Variants in NEDD4L observed in about 807,000 individuals in gnomAD.
NEDD4L encodes the protein NEDD4 like E3 ubiquitin protein ligase.
A neutral mutation model predicts 148.9 loss-of-function variants in NEDD4L; 54 were observed. That is an observed-to-expected ratio of 0.36 (90% CI 0.29 to 0.45). The LOEUF (loss-of-function observed/expected upper bound fraction) is 0.45, where lower values mean the gene tolerates loss of function less well. Ranked by LOEUF, NEDD4L falls within the 20% of genes least tolerant of loss-of-function variation. The pLI is 1.00. For synonymous variants in NEDD4L, 433 were observed against 440.7 expected (o/e 0.98, Z 0.22); for missense variants, 856 against 1,233.8 (o/e 0.69, Z 4.59).
At chr18:58,221,497 C>T (rs1290975927) in intron 2 of NEDD4L, 1 of 967,004 alleles carries the variant, frequency 1.0e-6, no homozygotes, top group East Asian at 1.1e-4. Flanking sequence ...CCTTTTCCAC[C>T]AACAAGCATT....
At chr18:58,376,830 A>G (rs1286305399) in intron 24 of NEDD4L, among the ~76,000 whole-genome samples, 1 of 152,106 alleles carries the variant, frequency 6.6e-6, no homozygotes, top group Non-Finnish European at 1.5e-5. Flanking sequence ...CTCCTCCTCC[A>G]GACTCACTGT....
intron 22 of NEDD4L, among the ~76,000 whole-genome samples, chr18:58,369,727 G>C (rs1484962608): frequency 1.3e-5 from 2 of 152,178 alleles, no homozygotes; most frequent in Non-Finnish European, 2.9e-5. Context: ...GATGCCTTTG[G>C]ATCAGGTGAA....
chr18:58,369,077 C>T (rs929645079), intron 22 of NEDD4L, among the ~76,000 whole-genome samples: 1 of 152,184 alleles, frequency 6.6e-6, no homozygotes, highest in African/African-American at 2.4e-5. Context: ...GAGAACAAAA[C>T]CAGAAGAATC....
chr18:58,359,064 G>C (rs973369609), intron 19 of NEDD4L, among the ~76,000 whole-genome samples: 1 of 151,736 alleles, frequency 6.6e-6, no homozygotes, highest in Non-Finnish European at 1.5e-5. Flanking sequence ...GTGTCCATTA[G>C]GTCAAGCCTG....
In NEDD4L at chr18:58,322,497, T is replaced by C; in HGVS notation, c.410+11T>C. The C allele has an allele frequency of 3.5e-6, 2 of 578,200 alleles. No individual in the cohort carries two copies. The highest frequency in any genetic ancestry group is 3.2e-6 in the Non-Finnish European group (1 of 308,564). 35.8% of individuals were successfully genotyped at this position (578,200 alleles called of 1,614,324 possible). Reference sequence around the variant, plus strand: ...CCTCAGACCAAGAAGGTGAGGCTTGTGGGTATGGGTGGGTGGGGATGCCTG... The same window carrying C: ...CCTCAGACCAAGAAGGTGAGGCTTGCGGGTATGGGTGGGTGGGGATGCCTG... On this transcript the variant is annotated intron_variant, in intron 7 of 30. Transcript: ENST00000400345.
At chr18:58,192,350 GGT>G (rs1398622933) in intron 2 of NEDD4L, among the ~76,000 whole-genome samples, 3 of 152,298 alleles carry the variant, frequency 2.0e-5, no homozygotes, top group Non-Finnish European at 4.4e-5. Context: ...CTGTGTGTAA[GGT>G]GCCATCGTTA....
chr18:58,373,510 C>T lies in NEDD4L; in HGVS notation c.2352+241C>T, dbSNP rs1009278542. Among the ~76,000 whole-genome samples, 5 of 152,362 alleles carry T rather than the reference C, an allele frequency of 3.3e-5. No individual in the cohort carries two copies. The East Asian group carries it at 7.7e-4, about 23-fold the overall frequency. On this transcript the variant is annotated intron_variant, in intron 24 of 30. Coordinates refer to ENST00000400345, the MANE Select transcript of NEDD4L (RefSeq NM_001144967.3). ...CAAGAGGCCTTGGGGCATGAACCAG[C>T]ACCTCTTCTAATCCAAAGCAAATGT... is the stretch of plus-strand genomic sequence containing the variant.
chr18:58,226,050 A>G (rs1376250670), intron 2 of NEDD4L, among the ~76,000 whole-genome samples: 8 of 152,338 alleles, frequency 5.3e-5, no homozygotes, highest in Middle Eastern at 3.4e-3. Context: ...CTTTAGAAAC[A>G]TCATTATCAT....
chr18:58,237,228 C>G (rs1363923421), intron 2 of NEDD4L, among the ~76,000 whole-genome samples: 3 of 152,154 alleles, frequency 2.0e-5, no homozygotes, highest in East Asian at 1.9e-4. Flanking sequence ...CCCCGCCCCC[C>G]ACTTTGGTGC....
chr18:58,256,675 G>C lies in NEDD4L; in HGVS notation c.297+4621G>C. ...GGCAGGATCAGAACGCGGGGCAGCA[G>C]CATTTTAGAATTCTTGTAACCCGGG... On this transcript the variant is annotated intron_variant, in intron 5 of 30. Transcript: ENST00000400345. The surrounding 1 kb of genome is among the most constrained non-coding windows in gnomAD (Gnocchi z 5.2). The C allele has an allele frequency of 2.4e-6, 3 of 1,232,192 alleles. No homozygotes were observed. The highest frequency in any genetic ancestry group is 3.0e-6 in the Non-Finnish European group (3 of 988,016). The allele number at this position is 1,232,192 out of a possible 1,614,324, so 76.3% of individuals were successfully genotyped here. A position where few individuals can be genotyped will look rare whatever the true frequency, so the allele number is the denominator to read the frequency against.
chr18:58,334,161 G>A (rs1206692353), intron 12 of NEDD4L: 2 of 377,502 alleles, frequency 5.3e-6, no homozygotes, highest in Admixed American at 8.5e-5. Context: ...TAAACCTCTT[G>A]GTACATTAGT....
chr18:58,358,408 G>C (rs1306585274), intron 19 of NEDD4L, among the ~76,000 whole-genome samples: 1 of 152,038 alleles, frequency 6.6e-6, no homozygotes, highest in African/African-American at 2.4e-5. Flanking sequence ...TTGTTTATTG[G>C]AATATTATTT....
At position 58,174,536 on chromosome 18, in the gene NEDD4L, T is replaced by G. The variant is rs1266628726; in HGVS notation, c.122+8675T>G. Among the ~76,000 whole-genome samples the G allele has an allele frequency of 2.6e-5, 4 of 152,304 alleles. No homozygotes were observed. The East Asian group carries it at 7.7e-4, about 29-fold the overall frequency. On this transcript the variant is annotated intron_variant, in intron 2 of 30. Coordinates refer to ENST00000400345, the MANE Select transcript of NEDD4L (RefSeq NM_001144967.3). The stretch of plus-strand genomic sequence containing the variant: ...TTCAATGACTTGTAGGAAGGTTGTT[T>G]CGCTTACCACATTCCATCGTGTCCT...
chr18:58,322,486 G>A lies in NEDD4L; in HGVS notation c.410G>A (p.Ser137Asn), dbSNP rs747869818. ...TFKDFLLRPR[S>N]HKSRVKGFLR... ...AAGGACTTTCTCCTCAGACCAAGAA[G>A]GTGAGGCTTGTGGGTATGGGTGGGT... Residue 137 changes from serine to asparagine, a missense_variant and splice_region_variant, in exon 7 of 31, where the codon AGT (serine) becomes AAT (asparagine). Physicochemically the swap from Ser to Asn is conservative, Grantham distance 46 (BLOSUM62 1). Transcript: ENST00000400345. The A allele has an allele frequency of 6.3e-7, 1 of 1,580,350 alleles. No individual in the cohort carries two copies. The highest frequency in any genetic ancestry group is 8.7e-7 in the Non-Finnish European group (1 of 1,150,206).
intron 2 of NEDD4L, among the ~76,000 whole-genome samples, chr18:58,237,062 G>T (rs1289123286): frequency 4.0e-5 from 6 of 151,726 alleles, no homozygotes; most frequent in Non-Finnish European, 8.8e-5. Context: ...AACAATAATT[G>T]TCATTTATCA....
intron 1 of NEDD4L, among the ~76,000 whole-genome samples, chr18:58,103,256 ATATAT>A (rs1461883780): frequency 9.3e-6 from 1 of 107,784 alleles, no homozygotes; most frequent in East Asian, 2.1e-4. Context: ...ATATATGTGG[ATATAT>A]TATATATTAT....
At chr18:58,258,997 A>C (rs2048983430) in intron 5 of NEDD4L, among the ~76,000 whole-genome samples, 1 of 152,220 alleles carries the variant, frequency 6.6e-6, no homozygotes, top group African/African-American at 2.4e-5. Flanking sequence ...TATTAAGTTT[A>C]CATGAAAAAT....
At position 58,238,830 on chromosome 18, in the gene NEDD4L, A is replaced by G. The variant is rs75349457; in HGVS notation, c.123-6597A>G. Among the ~76,000 whole-genome samples, 605 of 152,330 alleles carry G rather than the reference A, an allele frequency of 4.0e-3. 11 individuals are homozygous for G. Among genetic ancestry groups the G allele is most frequent in the Admixed American group, 0.034 (516 of 15,304 alleles). On this transcript the variant is annotated intron_variant, in intron 2 of 30. Coordinates refer to ENST00000400345, the MANE Select transcript of NEDD4L (RefSeq NM_001144967.3). ...ATTCCTTCCAGTAGTAGAGTATTAA[A>G]TGTCTGCCTCTCTTTAGAAAGTATT...
At chr18:58,279,195 T>C (rs2052620104) in intron 5 of NEDD4L, among the ~76,000 whole-genome samples, 2 of 152,088 alleles carry the variant, frequency 1.3e-5, no homozygotes, top group South Asian at 4.1e-4. Context: ...TTTTTTAATG[T>C]GTTAGTTAAG....
Sources: gnomAD v4.1 joint callset for allele counts (sites outside exome capture counted in the v4.1 genomes callset) on GRCh38, gnomAD v4.1.1 for gene constraint, Gnocchi (gnomAD v3.1) non-coding constraint, MANE v1.5 for transcripts, NCBI Gene and HGNC (gene_info 2026-07-23, HGNC 2026-07-21) for gene names.